The following GNG12 variants were observed in gnomAD, a reference collection of about 807,000 sequenced individuals.
GNG12 encodes the protein G protein subunit gamma 12, also known as guanine nucleotide-binding protein G(I)/G(S)/G(O) subunit gamma-12.
For missense variants in GNG12, 69 were observed against 83.8 expected (o/e 0.82, Z 0.69); for synonymous variants, 28 against 29.7 (o/e 0.94, Z 0.19).
At chr1:67,782,235 C>T (rs1646741291) in intron 1 of GNG12, among the ~76,000 whole-genome samples, 1 of 152,190 alleles carries the variant, frequency 6.6e-6, no homozygotes, top group Non-Finnish European at 1.5e-5. Context: ...GTCTATCCTA[C>T]AAATTTGTCT....
Position 67,705,417 on chromosome 1 carries a change from T to C in GNG12, c.*34A>G, listed in dbSNP as rs113817847. 747 of 1,608,614 alleles carry C rather than the reference T, an allele frequency of 4.6e-4. 2 individuals are homozygous for C. The African/African-American group carries it at 8.9e-3, about 19-fold the overall frequency. On this transcript the variant is annotated 3_prime_UTR_variant, in exon 4 of 4. Coordinates refer to ENST00000370982, the MANE Select transcript of GNG12 (RefSeq NM_018841.6). The stretch of plus-strand genomic sequence containing the variant: ...AAGGAGCTGCTCATAATTTGCGTTG[T>C]TGGGAAGAGGCGAGGAGCTGTTTCT...
At chr1:67,784,636 G>A (rs78402916) in intron 1 of GNG12, among the ~76,000 whole-genome samples, 2 of 151,908 alleles carry the variant, frequency 1.3e-5, no homozygotes, top group Non-Finnish European at 2.9e-5. Flanking sequence ...TTGGTTATTC[G>A]TATACTATGA....
chr1:67,824,066 AG>A (rs1236072205), intron 1 of GNG12, among the ~76,000 whole-genome samples: 7 of 152,194 alleles, frequency 4.6e-5, no homozygotes, highest in African/African-American at 1.2e-4. Context: ...TAATGAGAGA[AG>A]GGGGGAGAAT....
intron 2 of GNG12, among the ~76,000 whole-genome samples, chr1:67,763,702 A>T (rs923829076): frequency 2.6e-5 from 4 of 152,208 alleles, no homozygotes; most frequent in African/African-American, 9.6e-5. Context: ...GCATGTCCTT[A>T]TTAGAGAATT....
intron 2 of GNG12, among the ~76,000 whole-genome samples, chr1:67,724,763 G>A (rs1391552864): frequency 1.3e-5 from 2 of 152,160 alleles, no homozygotes; most frequent in African/African-American, 4.8e-5. Context: ...AGTACAGAGT[G>A]GGTGGGGATA....
intron 1 of GNG12, among the ~76,000 whole-genome samples, chr1:67,820,284 G>C (rs930975088): frequency 1.3e-5 from 2 of 151,820 alleles, no homozygotes; most frequent in Non-Finnish European, 2.9e-5. Flanking sequence ...AGTTACTCAG[G>C]AGGCTGAGAC....
chr1:67,830,723 A>C (rs2100834135), intron 1 of GNG12, among the ~76,000 whole-genome samples: 1 of 152,318 alleles, frequency 6.6e-6, no homozygotes, highest in South Asian at 2.1e-4. Flanking sequence ...TTAATCCTTT[A>C]ATCATAATTA....
At chr1:67,794,761 G>A (rs1372319117) in intron 1 of GNG12, among the ~76,000 whole-genome samples, 1 of 152,204 alleles carries the variant, frequency 6.6e-6, no homozygotes, top group Non-Finnish European at 1.5e-5. Context: ...CAAACTTCAA[G>A]CTTATAGGGC....
chr1:67,727,059 T>TA (rs1276908203), intron 2 of GNG12, among the ~76,000 whole-genome samples: 7 of 152,226 alleles, frequency 4.6e-5, no homozygotes, highest in Admixed American at 2.0e-4. Context: ...GTCAATTACT[T>TA]AAAGTGGAGG....
At chr1:67,794,889 C>A (rs974251378) in intron 1 of GNG12, among the ~76,000 whole-genome samples, 2 of 152,218 alleles carry the variant, frequency 1.3e-5, no homozygotes, top group African/African-American at 4.8e-5. Context: ...AACCATCCAC[C>A]CACCTACCTG....
chr1:67,712,040 G>GC (rs1646298433), intron 2 of GNG12, among the ~76,000 whole-genome samples: 1 of 152,204 alleles, frequency 6.6e-6, no homozygotes, highest in African/African-American at 2.4e-5. Context: ...TGGAGTTCTA[G>GC]CTAAGGACTT....
chr1:67,794,974 A>C (rs1276302), intron 1 of GNG12, among the ~76,000 whole-genome samples: 41,601 of 152,076 alleles, frequency 0.27, 6,030 homozygotes, highest in Admixed American at 0.34. Flanking sequence ...TGTGGATACA[A>C]ACAACCCAAA....
chr1:67,729,723 G>C (rs1646408234), intron 2 of GNG12, among the ~76,000 whole-genome samples: 1 of 152,158 alleles, frequency 6.6e-6, no homozygotes, highest in African/African-American at 2.4e-5. Context: ...TGTGGGAAAG[G>C]GGTGCTCAGA....
At chr1:67,762,634 G>T (rs1276990267) in intron 2 of GNG12, among the ~76,000 whole-genome samples, 1 of 152,124 alleles carries the variant, frequency 6.6e-6, no homozygotes, top group Non-Finnish European at 1.5e-5. Flanking sequence ...TAAAGACGCA[G>T]AGTAAGATTC....
chr1:67,831,170 T>C (rs540379839), intron 1 of GNG12, among the ~76,000 whole-genome samples: 9 of 152,340 alleles, frequency 5.9e-5, no homozygotes, highest in African/African-American at 2.2e-4. Flanking sequence ...CTTCCTAGGT[T>C]AAGCTTAAGC....
At chr1:67,746,096 ACTC>A (rs1646505958) in intron 2 of GNG12, among the ~76,000 whole-genome samples, 1 of 152,240 alleles carries the variant, frequency 6.6e-6, no homozygotes, top group African/African-American at 2.4e-5. Context: ...GTATCATCTG[ACTC>A]CTCTAAATTC....
intron 2 of GNG12, among the ~76,000 whole-genome samples, chr1:67,760,501 GTGTCTTTAGCTT>G (rs927133940): frequency 6.6e-6 from 1 of 152,164 alleles, no homozygotes; most frequent in African/African-American, 2.4e-5. Flanking sequence ...CGGGTGATGT[GTGTCTTTAGCTT>G]TAAGACACAC....
intron 2 of GNG12, among the ~76,000 whole-genome samples, chr1:67,716,624 C>T (rs1394243457): frequency 6.6e-6 from 1 of 152,156 alleles, no homozygotes; most frequent in African/African-American, 2.4e-5. Flanking sequence ...GTCTTACTTA[C>T]CACCCTTTGT....
rs371484998 is a variant in GNG12 at position 67,782,077 on chromosome 1, C to G, written c.-76-4570G>C. ...ACAGCACAGGTACTATATGGTTTCA[C>G]TTGCAAATTCTGATATGATGTTATC... is the stretch of plus-strand genomic sequence containing the variant. On this transcript the variant is annotated intron_variant, in intron 1 of 3. Transcript: ENST00000370982. Among the ~76,000 whole-genome samples the G allele has an allele frequency of 4.6e-4, 70 of 152,280 alleles. 1 individual carries two copies. In the East Asian group the frequency reaches 7.1e-3, roughly 16 times the overall value.
Sources: allele counts gnomAD v4.1 joint callset (sites outside exome capture counted in the v4.1 genomes callset), GRCh38; gene constraint gnomAD v4.1.1; transcripts MANE v1.5; gene names NCBI Gene and HGNC (gene_info 2026-07-23, HGNC 2026-07-21).